The following PALLD variants were observed in gnomAD, a reference collection of about 807,000 sequenced individuals.
PALLD encodes the protein palladin, cytoskeletal associated protein.
In PALLD, 61 loss-of-function variants were observed where a neutral mutation model predicts 123.5. The ratio of observed to expected loss-of-function variants is 0.49; its 90% CI spans 0.40 to 0.61. PALLD has a LOEUF of 0.61. Ranked by LOEUF, PALLD falls within the 20% of genes least tolerant of loss-of-function variation. The pLI is 0.00. For missense variants in PALLD, 1,273 were observed against 1,377.0 expected (o/e 0.92, Z 1.20); for synonymous variants, 465 against 496.4 (o/e 0.94, Z 0.84).
chr4:168,696,709 A>G (rs1477342471), intron 8 of PALLD, among the ~76,000 whole-genome samples: 1 of 152,078 alleles, frequency 6.6e-6, no homozygotes, highest in African/African-American at 2.4e-5. Context: ...AGAGGGGAGG[A>G]CACTTGTAAA....
chr4:168,627,623 T>C (rs1035024425), intron 2 of PALLD, among the ~76,000 whole-genome samples: 2 of 152,152 alleles, frequency 1.3e-5, no homozygotes, highest in East Asian at 3.9e-4. Context: ...TAAAAACTGA[T>C]AAATTCAATT....
At chr4:168,509,980 C>T (rs1004885118) in intron 1 of PALLD, among the ~76,000 whole-genome samples, 1 of 152,158 alleles carries the variant, frequency 6.6e-6, no homozygotes, top group Non-Finnish European at 1.5e-5. Context: ...TACTTCTACG[C>T]AAGCAACTCA....
chr4:168,556,868 G>T (rs1276576021), intron 2 of PALLD, among the ~76,000 whole-genome samples: 1 of 128,978 alleles, frequency 7.8e-6, no homozygotes, highest in Non-Finnish European at 1.7e-5. Context: ...AAGGCATGAA[G>T]CCTAGAAGAA....
intron 2 of PALLD, among the ~76,000 whole-genome samples, chr4:168,635,193 G>T (rs901750106): frequency 1.3e-5 from 2 of 152,170 alleles, no homozygotes; most frequent in Admixed American, 6.5e-5. Context: ...CTTGTTGACT[G>T]GGAGAGATGG....
At chr4:168,788,909 C>T (rs1197882754) in intron 10 of PALLD, among the ~76,000 whole-genome samples, 1 of 152,120 alleles carries the variant, frequency 6.6e-6, no homozygotes, top group African/African-American at 2.4e-5. Flanking sequence ...TATACTACCA[C>T]CCAGATCAAA....
intron 10 of PALLD, chr4:168,885,597 T>C (rs1378971780): frequency 6.6e-6 from 1 of 152,208 alleles, no homozygotes; most frequent in African/African-American, 2.4e-5. Context: ...ACTGCTAAGA[T>C]TGGCATGTCT....
intron 3 of PALLD, among the ~76,000 whole-genome samples, chr4:168,671,026 GAA>G (rs10686554): frequency 6.7e-6 from 1 of 148,554 alleles, no homozygotes; most frequent in African/African-American, 2.5e-5. Context: ...TCAAAAAAAA[GAA>G]AAAAAAAATG....
At chr4:168,582,604 T>C (rs1262847083) in intron 2 of PALLD, among the ~76,000 whole-genome samples, 1 of 152,176 alleles carries the variant, frequency 6.6e-6, no homozygotes, top group South Asian at 2.1e-4. Flanking sequence ...GAACATTTCT[T>C]TGATACCTAT....
At chr4:168,663,283 G>A (rs1232637437) in intron 2 of PALLD, among the ~76,000 whole-genome samples, 3 of 152,208 alleles carry the variant, frequency 2.0e-5, no homozygotes, top group African/African-American at 7.2e-5. Flanking sequence ...GACTGCAGGG[G>A]ACGTGCCAGG....
chr4:168,636,152 A>G (rs1240357439), intron 2 of PALLD, among the ~76,000 whole-genome samples: 1 of 152,186 alleles, frequency 6.6e-6, no homozygotes, highest in Non-Finnish European at 1.5e-5. Context: ...GCTCAAGGTC[A>G]CAAAGCATGT....
At chr4:168,813,380 C>G (rs1037675069) in intron 10 of PALLD, among the ~76,000 whole-genome samples, 3 of 152,188 alleles carry the variant, frequency 2.0e-5, no homozygotes, top group Admixed American at 2.0e-4. Context: ...TAATGTATCT[C>G]TTCCCCTGCT....
At chr4:168,789,884 G>A (rs962979777) in intron 10 of PALLD, among the ~76,000 whole-genome samples, 13 of 151,880 alleles carry the variant, frequency 8.6e-5, no homozygotes, top group African/African-American at 3.1e-4. Context: ...ATCTGGTAGG[G>A]GATTTTTCTT....
chr4:168,622,051 C>G (rs774844888), intron 2 of PALLD, among the ~76,000 whole-genome samples: 2 of 152,168 alleles, frequency 1.3e-5, no homozygotes, highest in Non-Finnish European at 2.9e-5. Flanking sequence ...TTCTTCCAGT[C>G]ACTCCTCGCA....
chr4:168,696,665 A>G (rs1783155671), intron 8 of PALLD, among the ~76,000 whole-genome samples: 1 of 151,434 alleles, frequency 6.6e-6, no homozygotes, highest in African/African-American at 2.4e-5. Context: ...CATTCCACCC[A>G]AGAAATAAAA....
intron 10 of PALLD, among the ~76,000 whole-genome samples, chr4:168,762,028 G>T (rs1358152342): frequency 6.6e-6 from 1 of 151,996 alleles, no homozygotes. Flanking sequence ...TATTTTTAGG[G>T]ATCCATTAAA....
chr4:168,696,476 C>G (rs62333894), intron 8 of PALLD, among the ~76,000 whole-genome samples: 4,905 of 151,790 alleles, frequency 0.032, 135 homozygotes, highest in South Asian at 0.049. Flanking sequence ...TAATAAACTC[C>G]CATCCCTGTC....
At chr4:168,734,144 T>A (rs986956051) in intron 10 of PALLD, among the ~76,000 whole-genome samples, 6 of 152,212 alleles carry the variant, frequency 3.9e-5, no homozygotes, top group Non-Finnish European at 5.9e-5. Context: ...ATTTTTCAAA[T>A]GCCTATCTAG....
chr4:168,761,410 A>G (rs1732805334), intron 10 of PALLD, among the ~76,000 whole-genome samples: 1 of 152,140 alleles, frequency 6.6e-6, no homozygotes. Context: ...CAGGATTTAC[A>G]TGAAATATAT....
chr4:168,744,449 A>G (rs929864253), intron 10 of PALLD, among the ~76,000 whole-genome samples: 3 of 151,966 alleles, frequency 2.0e-5, no homozygotes, highest in East Asian at 1.9e-4. Context: ...TCTCTAGGCT[A>G]TAGAGCAGAA....
Sources: allele counts gnomAD v4.1 joint callset (sites outside exome capture counted in the v4.1 genomes callset), GRCh38; gene constraint gnomAD v4.1.1; transcripts MANE v1.5; gene names NCBI Gene and HGNC (gene_info 2026-07-23, HGNC 2026-07-21).